ASTN1: variants seen among roughly 807,000 people sequenced by gnomAD.
ASTN1 encodes astrotactin-1.
ASTN1 carries 41 observed loss-of-function variants against 140.7 expected under a neutral mutation model. That is an observed-to-expected ratio of 0.29 (90% CI 0.23 to 0.38). ASTN1 has a LOEUF of 0.38. Among genes scored for constraint, ASTN1 ranks in the 10% least tolerant of loss-of-function variants. ASTN1 has a pLI of 1.00. For missense variants in ASTN1, 1,479 were observed against 1,678.8 expected, an observed-to-expected ratio of 0.88 and a Z score of 2.08; for synonymous variants, 640 against 652.2, an observed-to-expected ratio of 0.98 and a Z score of 0.29.
intron 8 of ASTN1, among the ~76,000 whole-genome samples, chr1:177,011,000 G>A (rs1014053481): frequency 1.3e-5 from 2 of 152,096 alleles, no homozygotes; most frequent in Non-Finnish European, 2.9e-5. Context: ...AGCGGGTCTA[G>A]TATGGGAGCT....
intron 1 of ASTN1, among the ~76,000 whole-genome samples, chr1:177,104,954 G>A (rs1680482434): frequency 6.6e-6 from 1 of 152,162 alleles, no homozygotes; most frequent in African/African-American, 2.4e-5. Flanking sequence ...TTTGAAATGA[G>A]TTCCTCTTTT....
At chr1:177,112,798 A>C (rs1447503121) in intron 1 of ASTN1, among the ~76,000 whole-genome samples, 1 of 152,090 alleles carries the variant, frequency 6.6e-6, no homozygotes. Context: ...GTAGCCCAGA[A>C]TCCTTCTCTG....
At chr1:176,871,737 T>C (rs1005197569) in intron 21 of ASTN1, among the ~76,000 whole-genome samples, 1 of 152,250 alleles carries the variant, frequency 6.6e-6, no homozygotes, top group Non-Finnish European at 1.5e-5. Context: ...AGAATTTATT[T>C]TGTTAGTCTT....
At position 176,864,120 on chromosome 1, in the gene ASTN1, TGAA is replaced by T. The variant is rs1668053341; in HGVS notation, c.*161_*163del. 1 of 1,464,090 alleles carries T rather than the reference TGAA, an allele frequency of 6.8e-7. No homozygotes were observed. The highest frequency in any genetic ancestry group is 1.4e-5 in the South Asian group (1 of 69,472). 90.7% of individuals were successfully genotyped at this position (1,464,090 alleles called of 1,614,324 possible). A position where few individuals can be genotyped will look rare whatever the true frequency, so the allele number is the denominator to read the frequency against. On this transcript the variant is annotated 3_prime_UTR_variant, in exon 23 of 23. Coordinates refer to ENST00000361833, the MANE Select transcript of ASTN1 (RefSeq NM_004319.3). ...ATCATGCAGATGGAGAACATCATAC[TGAA>T]GAAGTTCTGCAGGGAGCAAGGATCA...
chr1:176,971,242 G>T lies in ASTN1; in HGVS notation c.1524-6005C>A, dbSNP rs144539340. 8.7e-4 allele frequency among the ~76,000 whole-genome samples: 132 copies of T among 152,242 alleles called. 3 individuals carry two copies. In the East Asian group the frequency reaches 0.024, roughly 27 times the overall value. ...AAAAATGGCAAAAATGAATTTTTCT[G>T]CTATGCAATTGGCTGAACCATCACA... On this transcript the variant is annotated intron_variant, in intron 8 of 22. Transcript: ENST00000361833.
chr1:177,138,973 T>TG (rs1374665082), intron 1 of ASTN1, among the ~76,000 whole-genome samples: 3 of 152,178 alleles, frequency 2.0e-5, no homozygotes, highest in African/African-American at 7.2e-5. Flanking sequence ...CCAAAGCCCA[T>TG]GCTCTTTCCA....
chr1:176,950,033 CA>C (rs1189289804), intron 11 of ASTN1, among the ~76,000 whole-genome samples: 1 of 152,190 alleles, frequency 6.6e-6, no homozygotes, highest in Non-Finnish European at 1.5e-5. Flanking sequence ...GCTTTTAATG[CA>C]AAATATTTAG....
intron 1 of ASTN1, among the ~76,000 whole-genome samples, chr1:177,141,242 A>T (rs947828447): frequency 2.6e-5 from 4 of 152,108 alleles, no homozygotes; most frequent in African/African-American, 4.8e-5. Context: ...AACAAAAAAA[A>T]CAAAGAGCAC....
chr1:177,069,431 G>A (rs138206617), intron 1 of ASTN1, among the ~76,000 whole-genome samples: 55 of 152,264 alleles, frequency 3.6e-4, no homozygotes, highest in Non-Finnish European at 6.9e-4. Context: ...AGAAGCAGGA[G>A]TGATGAGAGA....
intron 1 of ASTN1, among the ~76,000 whole-genome samples, chr1:177,112,460 T>G (rs1194434822): frequency 6.6e-6 from 1 of 152,182 alleles, no homozygotes; most frequent in African/African-American, 2.4e-5. Context: ...TCCACCCGTG[T>G]TGGGCGGGGT....
intron 1 of ASTN1, among the ~76,000 whole-genome samples, chr1:177,136,634 G>A (rs934275951): frequency 5.3e-5 from 8 of 152,116 alleles, no homozygotes; most frequent in Non-Finnish European, 8.8e-5. Flanking sequence ...GATTACAGGC[G>A]TCAGCCACTG....
intron 8 of ASTN1, among the ~76,000 whole-genome samples, chr1:176,992,225 G>A (rs1456996415): frequency 1.3e-5 from 2 of 152,118 alleles, no homozygotes; most frequent in Non-Finnish European, 2.9e-5. Context: ...GCAAAAAGCA[G>A]GGACCCAACA....
Position 177,030,801 on chromosome 1 carries a change from C to T in ASTN1, c.1012+5G>A, listed in dbSNP as rs765844876. ...CCCACGAGCCCTAATGTCAGACATGCATACCTCTTGCTTTGTTGTTGATCC... is the reference window on the plus strand; with the variant it reads ...CCCACGAGCCCTAATGTCAGACATGTATACCTCTTGCTTTGTTGTTGATCC... On this transcript the variant is annotated splice_donor_5th_base_variant and intron_variant, in intron 4 of 22. Transcript: ENST00000361833. The T allele has an allele frequency of 3.7e-6, 6 of 1,613,950 alleles. No homozygotes were observed. The African/African-American group carries it at 8.0e-5, about 22-fold the overall frequency.
chr1:176,940,699 A>T (rs946359022), intron 14 of ASTN1, among the ~76,000 whole-genome samples: 1 of 152,212 alleles, frequency 6.6e-6, no homozygotes, highest in African/African-American at 2.4e-5. Flanking sequence ...TCCATACAAC[A>T]TATAACACCA....
chr1:177,156,846 T>C (rs1203483517), intron 1 of ASTN1, among the ~76,000 whole-genome samples: 6 of 152,220 alleles, frequency 3.9e-5, no homozygotes, highest in African/African-American at 1.2e-4. Flanking sequence ...GTACCCTTGA[T>C]ATGATCTGAT....
chr1:176,945,001 A>G (rs2103109400), intron 13 of ASTN1, among the ~76,000 whole-genome samples: 1 of 152,318 alleles, frequency 6.6e-6, no homozygotes, highest in South Asian at 2.1e-4. Context: ...GGTTGCTGTC[A>G]ACTGCTGGTC....
At chr1:177,119,483 T>C (rs1681268276) in intron 1 of ASTN1, among the ~76,000 whole-genome samples, 1 of 147,440 alleles carries the variant, frequency 6.8e-6, no homozygotes, top group Non-Finnish European at 1.5e-5. Context: ...TGCAAGTGGG[T>C]TGCCATGGTA....
At chr1:177,094,313 C>T (rs1679918531) in intron 1 of ASTN1, among the ~76,000 whole-genome samples, 1 of 152,190 alleles carries the variant, frequency 6.6e-6, no homozygotes, top group Non-Finnish European at 1.5e-5. Flanking sequence ...GCCATCCTGA[C>T]TCTTAAAAAG....
In ASTN1 at chr1:176,901,207, A is replaced by T. The variant is rs567652747; in HGVS notation, c.2672-6377T>A. Among the ~76,000 whole-genome samples the T allele has an allele frequency of 3.9e-5, 6 of 152,314 alleles. No homozygotes were observed. The South Asian group carries it at 6.2e-4, about 16-fold the overall frequency. On this transcript the variant is annotated intron_variant, in intron 16 of 22. Coordinates refer to ENST00000361833, the MANE Select transcript of ASTN1 (RefSeq NM_004319.3). ...AATAGGAATTCTTCAAAGATAACCT[A>T]GTTGCAGAGATTTGGGGAAAGACTG...
Sources: gnomAD v4.1 joint callset for allele counts (sites outside exome capture counted in the v4.1 genomes callset) on GRCh38, gnomAD v4.1.1 for gene constraint, MANE v1.5 for transcripts, NCBI Gene and HGNC (gene_info 2026-07-23, HGNC 2026-07-21) for gene names.